Variants in PLD1 observed in about 807,000 individuals in gnomAD.
PLD1 encodes the protein phospholipase D1.
In PLD1, 112 loss-of-function variants were observed where a neutral mutation model predicts 137.1. That is an observed-to-expected ratio of 0.82 (90% CI 0.70 to 0.96). PLD1 has a LOEUF of 0.96. Among genes scored for constraint, PLD1 ranks in the 40% least tolerant of loss-of-function variants. The probability of loss-of-function intolerance (pLI) is 0.00; values close to 1 mark genes in which losing one functional copy is unlikely to be tolerated. For synonymous variants in PLD1, 431 were observed against 454.7 expected, an observed-to-expected ratio of 0.95 and a Z score of 0.66; for missense variants, 1,321 against 1,342.0, an observed-to-expected ratio of 0.98 and a Z score of 0.24.
chr3:171,748,788 C>G (rs1457329508), intron 1 of PLD1, among the ~76,000 whole-genome samples: 1 of 149,986 alleles, frequency 6.7e-6, no homozygotes, highest in African/African-American at 2.5e-5. Flanking sequence ...TCTCAGATTC[C>G]TAATGTGTAA....
intron 6 of PLD1, among the ~76,000 whole-genome samples, chr3:171,726,823 C>T (rs1004846318): frequency 2.0e-5 from 3 of 152,074 alleles, no homozygotes; most frequent in Non-Finnish European, 4.4e-5. Context: ...ATCTCAAACC[C>T]CTTTGAAGCA....
chr3:171,736,708 C>A (rs1405529591), intron 3 of PLD1, among the ~76,000 whole-genome samples: 1 of 152,136 alleles, frequency 6.6e-6, no homozygotes, highest in East Asian at 1.9e-4. Flanking sequence ...GCCCTGACAG[C>A]TGGTTATTAA....
At chr3:171,763,993 A>C (rs543836731) in intron 1 of PLD1, among the ~76,000 whole-genome samples, 55 of 152,184 alleles carry the variant, frequency 3.6e-4, no homozygotes, top group African/African-American at 1.3e-3. Context: ...CCAACCTAGG[A>C]GAAATGGAAA....
chr3:171,698,803 C>CA (rs1183998224), intron 12 of PLD1, among the ~76,000 whole-genome samples: 6 of 65,000 alleles, frequency 9.2e-5, no homozygotes, highest in African/African-American at 4.1e-4. Context: ...ACTAAAAATA[C>CA]AAAAATACAA....
chr3:171,800,087 A>G (rs776179688), intron 1 of PLD1, among the ~76,000 whole-genome samples: 1 of 152,244 alleles, frequency 6.6e-6, no homozygotes, highest in Non-Finnish European at 1.5e-5. Flanking sequence ...ATTATAACAA[A>G]TGTATCATAT....
intron 13 of PLD1, 87 bp from the exon 14 acceptor site, chr3:171,688,963 G>A: frequency 1.1e-6 from 1 of 944,702 alleles, no homozygotes; most frequent in South Asian, 1.4e-5. Flanking sequence ...TCCCTGAAAA[G>A]CATTTTCTAT....
chr3:171,622,680 T>G (rs777178750), intron 23 of PLD1, among the ~76,000 whole-genome samples: 66 of 150,856 alleles, frequency 4.4e-4, no homozygotes, highest in Non-Finnish European at 8.1e-4. Flanking sequence ...GTGGGTATAA[T>G]ATTTTCAATA....
chr3:171,625,562 T>A (rs1338141510), intron 23 of PLD1, among the ~76,000 whole-genome samples: 1 of 152,232 alleles, frequency 6.6e-6, no homozygotes, highest in Non-Finnish European at 1.5e-5. Flanking sequence ...AGTGGGTCCC[T>A]GACCCCTGAT....
At chr3:171,755,622 T>C (rs144123634) in intron 1 of PLD1, among the ~76,000 whole-genome samples, 5 of 152,320 alleles carry the variant, frequency 3.3e-5, no homozygotes, top group East Asian at 1.9e-4. Context: ...TCCACTCTAA[T>C]GGTTAAAATA....
chr3:171,673,498 T>G (rs1254439127), intron 19 of PLD1, among the ~76,000 whole-genome samples: 1 of 152,112 alleles, frequency 6.6e-6, no homozygotes, highest in African/African-American at 2.4e-5. Context: ...CTCGAACTCC[T>G]GACCTCAGGT....
At chr3:171,790,966 G>A (rs755553394) in intron 1 of PLD1, among the ~76,000 whole-genome samples, 12 of 152,256 alleles carry the variant, frequency 7.9e-5, no homozygotes, top group South Asian at 2.1e-4. Flanking sequence ...AAGTTGCTAC[G>A]TTATCAGGAA....
intron 9 of PLD1, among the ~76,000 whole-genome samples, chr3:171,712,981 CTA>C (rs965145856): frequency 4.6e-5 from 7 of 152,098 alleles, no homozygotes; most frequent in African/African-American, 9.7e-5. Flanking sequence ...ATGTTGGTAA[CTA>C]TGTGCACAGG....
At chr3:171,620,578 T>A in intron 23 of PLD1, 58 bp from the exon 24 acceptor site, 1 of 1,001,968 alleles carries the variant, frequency 1.0e-6, no homozygotes, top group Non-Finnish European at 1.5e-6. Context: ...TAAACGTACA[T>A]TAAATCTTAT....
At chr3:171,702,645 TGAAAATAAAAAGAAA>T (rs777045569) in intron 11 of PLD1, among the ~76,000 whole-genome samples, 291 of 152,158 alleles carry the variant, frequency 1.9e-3, no homozygotes, top group Non-Finnish European at 3.2e-3. Flanking sequence ...ATTTTCATAA[TGAAAATAAAAAGAAA>T]TTGAAACTGA....
chr3:171,625,085 G>A (rs918046971), intron 23 of PLD1, among the ~76,000 whole-genome samples: 1 of 151,968 alleles, frequency 6.6e-6, no homozygotes, highest in African/African-American at 2.4e-5. Flanking sequence ...AACCCTGAGA[G>A]TTCCCCTTCC....
chr3:171,740,788 A>C (rs1719723749), intron 1 of PLD1, among the ~76,000 whole-genome samples: 1 of 152,340 alleles, frequency 6.6e-6, no homozygotes. Context: ...ATTACATGCT[A>C]AACACAATTT....
intron 8 of PLD1, among the ~76,000 whole-genome samples, chr3:171,718,853 T>C (rs1041624221): frequency 3.3e-5 from 5 of 152,228 alleles, no homozygotes; most frequent in Non-Finnish European, 7.3e-5. Flanking sequence ...AGATAACTCA[T>C]GCACATGCTT....
At chr3:171,637,630 T>C (rs950891996) in intron 23 of PLD1, among the ~76,000 whole-genome samples, 6 of 152,154 alleles carry the variant, frequency 3.9e-5, no homozygotes, top group Non-Finnish European at 8.8e-5. Flanking sequence ...TTAATGAGAA[T>C]GTGAGAGAAA....
At chr3:171,682,108 A>AAAAGAAAGAAAGAAAGAAAGAAAGAAAG (rs61458676) in intron 16 of PLD1, among the ~76,000 whole-genome samples, 8 of 99,070 alleles carry the variant, frequency 8.1e-5, no homozygotes, top group East Asian at 3.0e-4. Context: ...TACAGAAAGA[A>AAAAGAAAGAAAGAAAGAAAGAAAGAAAG]AAAGAAAGAA....
Sources: allele counts gnomAD v4.1 joint callset (sites outside exome capture counted in the v4.1 genomes callset), GRCh38; gene constraint gnomAD v4.1.1; transcripts MANE v1.5; gene names NCBI Gene and HGNC (gene_info 2026-07-23, HGNC 2026-07-21).